Variants in CNNM2 observed in about 807,000 individuals in gnomAD.
CNNM2 encodes the protein metal transporter CNNM2.
In CNNM2, 12 loss-of-function variants were observed where a neutral mutation model predicts 66.9. The ratio of observed to expected loss-of-function variants is 0.18; its 90% CI spans 0.11 to 0.29. The LOEUF is 0.29. Ranked by LOEUF, CNNM2 falls within the 10% of genes least tolerant of loss-of-function variation. The probability of loss-of-function intolerance (pLI) is 1.00; values close to 1 mark genes in which losing one functional copy is unlikely to be tolerated. For missense variants in CNNM2, 705 were observed against 1,167.7 expected, an observed-to-expected ratio of 0.60 and a Z score of 5.77; for synonymous variants, 557 against 501.8, an observed-to-expected ratio of 1.11 and a Z score of -1.47.
chr10:103,033,488 C>T (rs772702926), intron 1 of CNNM2, among the ~76,000 whole-genome samples: 45 of 151,946 alleles, frequency 3.0e-4, no homozygotes, highest in Non-Finnish European at 4.1e-4. Flanking sequence ...GCCACCACGC[C>T]TGGACAATCT....
chr10:102,955,140 A>G (rs888925246), intron 1 of CNNM2, among the ~76,000 whole-genome samples: 4 of 152,232 alleles, frequency 2.6e-5, no homozygotes, highest in African/African-American at 7.2e-5. Context: ...CTACAAGGCT[A>G]CAGTAACCAA....
At position 102,968,315 on chromosome 10, in the gene CNNM2, C is replaced by T. The variant is rs186158419; in HGVS notation, c.1621+48214C>T. On this transcript the variant is annotated intron_variant, in intron 1 of 7. Coordinates refer to ENST00000369878, the MANE Select transcript of CNNM2 (RefSeq NM_017649.5). ...AGGCTGGAGTGCAATGGCGCAATCT[C>T]GGCTGACTGTAACCTCTGCCTCCTG... Among the ~76,000 whole-genome samples the T allele has an allele frequency of 5.6e-4, 85 of 152,218 alleles. 1 individual carries two copies. The East Asian group carries it at 9.9e-3, about 18-fold the overall frequency.
At chr10:103,032,474 G>A (rs1450165418) in intron 1 of CNNM2, among the ~76,000 whole-genome samples, 1 of 150,384 alleles carries the variant, frequency 6.6e-6, no homozygotes, top group Non-Finnish European at 1.5e-5. Context: ...GAATTACCCT[G>A]TAGAATGCAA....
intron 1 of CNNM2, among the ~76,000 whole-genome samples, chr10:102,976,125 T>G (rs1404577981): frequency 6.6e-6 from 1 of 152,164 alleles, no homozygotes; most frequent in Non-Finnish European, 1.5e-5. Context: ...GCTTAGAAGC[T>G]GAGAAGATCT....
intron 1 of CNNM2, among the ~76,000 whole-genome samples, chr10:103,028,166 A>C (rs890599019): frequency 6.6e-6 from 1 of 152,214 alleles, no homozygotes; most frequent in Admixed American, 6.5e-5. Flanking sequence ...GTGCGTACTC[A>C]CAGAAAGCTT....
At chr10:103,015,304 C>T (rs892429404) in intron 1 of CNNM2, among the ~76,000 whole-genome samples, 4 of 152,108 alleles carry the variant, frequency 2.6e-5, no homozygotes, top group African/African-American at 9.7e-5. Context: ...TGGGATTGTC[C>T]AAGCCTGTAC....
At position 103,079,656 on chromosome 10, in the gene CNNM2, C is replaced by G. The variant is rs187449450; in HGVS notation, c.*2476C>G. On this transcript the variant is annotated 3_prime_UTR_variant, in exon 8 of 8. Transcript: ENST00000369878. ...ATTATTCTCTTATAAAAGAGCTCGG[C>G]AGGAGTGGCATCAGTGAGGCTCCCA... is the stretch of plus-strand genomic sequence containing the variant. 2 of 152,312 alleles carry G rather than the reference C, an allele frequency of 1.3e-5. No homozygotes were observed. Among genetic ancestry groups the G allele is most frequent in the Admixed American group, 1.3e-4 (2 of 15,304 alleles). 9.4% of individuals were successfully genotyped at this position (152,312 alleles called of 1,614,324 possible).
At chr10:103,063,986 A>G (rs867455649) in intron 4 of CNNM2, among the ~76,000 whole-genome samples, 1 of 152,242 alleles carries the variant, frequency 6.6e-6, no homozygotes, top group Non-Finnish European at 1.5e-5. Flanking sequence ...ACGTAAATGA[A>G]TAAGATACGT....
intron 1 of CNNM2, among the ~76,000 whole-genome samples, chr10:102,983,762 T>C (rs1443574660): frequency 7.5e-6 from 1 of 133,568 alleles, no homozygotes; most frequent in African/African-American, 2.7e-5. Flanking sequence ...ACATAGCACT[T>C]AAATTGTAAA....
intron 6 of CNNM2, among the ~76,000 whole-genome samples, chr10:103,074,433 G>A (rs112996794): frequency 6.6e-6 from 1 of 152,198 alleles, no homozygotes; most frequent in Admixed American, 6.5e-5. Context: ...CCTTGTTCTC[G>A]TAGAAATGGA....
At chr10:103,010,565 T>C (rs765860577) in intron 1 of CNNM2, among the ~76,000 whole-genome samples, 9 of 151,904 alleles carry the variant, frequency 5.9e-5, no homozygotes, top group Non-Finnish European at 1.3e-4. Context: ...AAATGAAAAA[T>C]TTTGGACAGA....
chr10:102,961,722 G>A (rs1463505788), intron 1 of CNNM2, among the ~76,000 whole-genome samples: 1 of 151,998 alleles, frequency 6.6e-6, no homozygotes, highest in Non-Finnish European at 1.5e-5. Flanking sequence ...TTTTGTCATG[G>A]TGTAGGATAA....
intron 6 of CNNM2, among the ~76,000 whole-genome samples, chr10:103,073,004 C>T (rs2065618382): frequency 6.6e-6 from 1 of 152,234 alleles, no homozygotes; most frequent in South Asian, 2.1e-4. Context: ...GAATGTGGAC[C>T]TTTATTATTA....
intron 1 of CNNM2, among the ~76,000 whole-genome samples, chr10:102,978,252 T>A (rs2134226382): frequency 6.7e-6 from 1 of 149,990 alleles, no homozygotes; most frequent in Non-Finnish European, 1.5e-5. Flanking sequence ...ATCTCAAACA[T>A]ACGATTTTCA....
In CNNM2 at chr10:103,086,649, A is replaced by G. The variant is rs1354227936; in HGVS notation, c.*9469A>G. 6.6e-6 allele frequency: 1 copy of G among 152,228 alleles called. No homozygotes were observed. Among genetic ancestry groups the G allele is most frequent in the East Asian group, 1.9e-4 (1 of 5,204 alleles). 9.4% of individuals were successfully genotyped at this position (152,228 alleles called of 1,614,324 possible). On this transcript the variant is annotated 3_prime_UTR_variant, in exon 8 of 8. Coordinates refer to ENST00000369878, the MANE Select transcript of CNNM2 (RefSeq NM_017649.5). ...GACATGCAACTGCATGTGGCTTTTT[A>G]AAGTGGTTTCTTAACAATGCTAATG...
chr10:103,007,290 C>G (rs1223764676), intron 1 of CNNM2, among the ~76,000 whole-genome samples: 1 of 152,156 alleles, frequency 6.6e-6, no homozygotes, highest in African/African-American at 2.4e-5. Flanking sequence ...AGGGCAAAAT[C>G]AAACTCCTGA....
At chr10:102,997,714 T>C (rs2064030395) in intron 1 of CNNM2, among the ~76,000 whole-genome samples, 1 of 152,188 alleles carries the variant, frequency 6.6e-6, no homozygotes, top group Non-Finnish European at 1.5e-5. Context: ...CATATGAAGC[T>C]GTCCTTCAAT....
chr10:102,958,784 A>C (rs1003756128), intron 1 of CNNM2, among the ~76,000 whole-genome samples: 1 of 150,352 alleles, frequency 6.7e-6, no homozygotes, highest in African/African-American at 2.4e-5. Context: ...ATTTGTTTTT[A>C]ATCAACTAGG....
At chr10:102,947,763 A>T (rs953303373) in intron 1 of CNNM2, among the ~76,000 whole-genome samples, 1 of 150,270 alleles carries the variant, frequency 6.7e-6, no homozygotes, top group Non-Finnish European at 1.5e-5. Flanking sequence ...TCAAAAACAA[A>T]CAAACAGGCC....
Sources: gnomAD v4.1 joint callset for allele counts (sites outside exome capture counted in the v4.1 genomes callset) on GRCh38, gnomAD v4.1.1 for gene constraint, MANE v1.5 for transcripts, NCBI Gene and HGNC (gene_info 2026-07-23, HGNC 2026-07-21) for gene names.